The following HACD2 variants were observed in gnomAD, a reference collection of about 807,000 sequenced individuals.
HACD2 encodes the protein 3-hydroxyacyl-CoA dehydratase 2, also known as very-long-chain (3R)-3-hydroxyacyl-CoA dehydratase 2.
HACD2 carries 15 observed loss-of-function variants against 31.0 expected under a neutral mutation model. The ratio of observed to expected loss-of-function variants is 0.48; its 90% CI spans 0.32 to 0.75. The LOEUF is 0.75. Ranked by LOEUF, HACD2 falls within the 30% of genes least tolerant of loss-of-function variation. HACD2 has a pLI of 0.03. For synonymous variants in HACD2, 115 were observed against 122.2 expected, an observed-to-expected ratio of 0.94 and a Z score of 0.39; for missense variants, 283 against 313.0, an observed-to-expected ratio of 0.90 and a Z score of 0.72.
intron 4 of HACD2, among the ~76,000 whole-genome samples, chr3:123,525,499 A>G (rs182089206): frequency 6.6e-6 from 1 of 152,346 alleles, no homozygotes; most frequent in East Asian, 1.9e-4. Context: ...GCAATGATGC[A>G]TGTCCCATAG....
At position 123,501,536 on chromosome 3, in the gene HACD2, G is replaced by A. The variant is rs952863536; in HGVS notation, c.504-843C>T. ...TGTGATGAAAATCTCTGAAGTGGAAGGGAAGACATATTCCCCACTGCCAAT... is the reference window on the plus strand; with the variant it reads ...TGTGATGAAAATCTCTGAAGTGGAAAGGAAGACATATTCCCCACTGCCAAT... On this transcript the variant is annotated intron_variant, in intron 5 of 6. Coordinates refer to ENST00000383657, the MANE Select transcript of HACD2 (RefSeq NM_198402.5). 2.6e-5 allele frequency among the ~76,000 whole-genome samples: 4 copies of A among 152,310 alleles called. No individual in the cohort carries two copies. In the South Asian group the frequency reaches 8.3e-4, roughly 32 times the overall value.
intron 3 of HACD2, among the ~76,000 whole-genome samples, chr3:123,529,449 A>C (rs932693659): frequency 9.9e-5 from 15 of 152,236 alleles, no homozygotes; most frequent in African/African-American, 3.6e-4. Flanking sequence ...AAATGGCCAG[A>C]AACAGTGGCT....
intron 3 of HACD2, chr3:123,543,554 GC>G (rs2107722741): frequency 4.5e-6 from 1 of 221,338 alleles, no homozygotes; most frequent in East Asian, 1.3e-4. Context: ...CCCTTTTATA[GC>G]TTTTGCATTT....
chr3:123,530,771 C>T (rs1050114398), intron 3 of HACD2, among the ~76,000 whole-genome samples: 1 of 151,942 alleles, frequency 6.6e-6, no homozygotes, highest in Non-Finnish European at 1.5e-5. Context: ...AGGCTGGTTT[C>T]GAACTCCTAA....
At chr3:123,528,269 AT>A in intron 4 of HACD2, 116 bp downstream of exon 4, 1 of 691,958 alleles carries the variant, frequency 1.4e-6, no homozygotes, top group Non-Finnish European at 2.6e-6. Flanking sequence ...TCTCAGCTAT[AT>A]TGACATGACC....
In HACD2 at chr3:123,524,535, C is replaced by T. The variant is rs72968514; in HGVS notation, c.381+3851G>A. ...GATGATTTAGCAGGAGAATCATATC[C>T]TAATGTGAATATGGCATGGTGGAAC... On this transcript the variant is annotated intron_variant, in intron 4 of 6. Coordinates refer to ENST00000383657, the MANE Select transcript of HACD2 (RefSeq NM_198402.5). Among the ~76,000 whole-genome samples the T allele has an allele frequency of 1.9e-3, 290 of 152,246 alleles. 5 individuals are homozygous for T. Among genetic ancestry groups the T allele is most frequent in the African/African-American group, 6.5e-3 (272 of 41,544 alleles).
intron 4 of HACD2, among the ~76,000 whole-genome samples, chr3:123,524,688 T>C (rs1189492216): frequency 6.6e-6 from 1 of 152,174 alleles, no homozygotes; most frequent in Non-Finnish European, 1.5e-5. Flanking sequence ...TTTTGTTTTG[T>C]AGAGATGAGG....
chr3:123,545,353 A>G (rs996185329), intron 3 of HACD2, among the ~76,000 whole-genome samples: 1 of 151,466 alleles, frequency 6.6e-6, no homozygotes, highest in African/African-American at 2.4e-5. Context: ...GTGGTGGCAC[A>G]TGCCTGTTAT....
chr3:123,549,408 T>C (rs889253026), intron 3 of HACD2, among the ~76,000 whole-genome samples: 19 of 152,224 alleles, frequency 1.2e-4, no homozygotes, highest in African/African-American at 3.9e-4. Context: ...CTGCTAAAGA[T>C]GAACTGCATC....
chr3:123,527,992 C>T (rs997113029), intron 4 of HACD2, among the ~76,000 whole-genome samples: 1 of 152,130 alleles, frequency 6.6e-6, no homozygotes, highest in Non-Finnish European at 1.5e-5. Context: ...GGTGTGGTGG[C>T]TCATGCCTGA....
chr3:123,535,700 C>T (rs1440481332), intron 3 of HACD2, among the ~76,000 whole-genome samples: 1 of 152,186 alleles, frequency 6.6e-6, no homozygotes, highest in Non-Finnish European at 1.5e-5. Context: ...AACTAGCAGC[C>T]ACCTCATCCA....
chr3:123,546,579 C>T (rs2056562324), intron 3 of HACD2, among the ~76,000 whole-genome samples: 1 of 152,134 alleles, frequency 6.6e-6, no homozygotes, highest in African/African-American at 2.4e-5. Context: ...GTCTTATAAC[C>T]ATAAGACTAC....
intron 1 of HACD2, among the ~76,000 whole-genome samples, chr3:123,583,181 T>C (rs1284309698): frequency 6.6e-6 from 1 of 151,312 alleles, no homozygotes; most frequent in African/African-American, 2.4e-5. Flanking sequence ...ATGGTGTAAC[T>C]GGTACAACCA....
chr3:123,492,689 TAAG>T lies in HACD2; in HGVS notation c.*2196_*2198del, dbSNP rs1354421118. ...TTTTATAAGTAGTGACAAATTATAA[TAAG>T]GAGGCCCAAATAAAACCCCCAGTCC... is the stretch of plus-strand genomic sequence containing the variant. On this transcript the variant is annotated 3_prime_UTR_variant, in exon 7 of 7. Coordinates refer to ENST00000383657, the MANE Select transcript of HACD2 (RefSeq NM_198402.5). The T allele has an allele frequency of 2.0e-5, 3 of 152,126 alleles. No homozygotes were observed. The highest frequency in any genetic ancestry group is 2.9e-5 in the Non-Finnish European group (2 of 67,996). 9.4% of individuals were successfully genotyped at this position (152,126 alleles called of 1,614,324 possible).
At position 123,584,753 on chromosome 3, in the gene HACD2, C is replaced by A. The variant is rs577625795; in HGVS notation, c.155+120G>T. 6.2e-3 allele frequency: 4,802 copies of A among 770,746 alleles called. 23 individuals carry two copies. The highest frequency in any genetic ancestry group is 7.9e-3 in the Non-Finnish European group (4,285 of 540,506). The allele number at this position is 770,746 out of a possible 1,614,324, so 47.7% of individuals were successfully genotyped here. A position where few individuals can be genotyped will look rare whatever the true frequency, so the allele number is the denominator to read the frequency against. On this transcript the variant is annotated intron_variant, in intron 1 of 6. Transcript: ENST00000383657. Reference sequence around the variant, plus strand: ...GCGCCCAGGTACCGGGTCCCGGGCACCCCCCGCCGGGAATGCACTGCCTGC... The same window carrying A: ...GCGCCCAGGTACCGGGTCCCGGGCAACCCCCGCCGGGAATGCACTGCCTGC...
rs1321120327 is a variant in HACD2, at chr3:123,494,590, T to C, written c.*298A>G. The stretch of plus-strand genomic sequence containing the variant: ...TACAGGTCTTCATTGATCAGATACA[T>C]GAAGGACACAGAAGGACATAAAATG... On this transcript the variant is annotated 3_prime_UTR_variant, in exon 7 of 7. Transcript: ENST00000383657. 2.5e-5 allele frequency: 10 copies of C among 407,930 alleles called. No individual in the cohort carries two copies. Among genetic ancestry groups the C allele is most frequent in the Non-Finnish European group, 4.4e-5 (10 of 225,844 alleles). 25.3% of individuals were successfully genotyped at this position (407,930 alleles called of 1,614,324 possible). A position where few individuals can be genotyped will look rare whatever the true frequency, so the allele number is the denominator to read the frequency against.
chr3:123,580,457 C>A (rs1465894046), intron 2 of HACD2, among the ~76,000 whole-genome samples: 2 of 151,900 alleles, frequency 1.3e-5, no homozygotes, highest in African/African-American at 2.4e-5. Context: ...GCCTGGGTGA[C>A]AGAGTGACCC....
intron 3 of HACD2, among the ~76,000 whole-genome samples, chr3:123,540,365 G>A (rs905174805): frequency 2.6e-5 from 4 of 152,146 alleles, no homozygotes; most frequent in African/African-American, 7.2e-5. Context: ...TTTTTTGAAA[G>A]CTTTCTCGAA....
chr3:123,554,999 T>C (rs927023984), intron 3 of HACD2, among the ~76,000 whole-genome samples: 1 of 152,196 alleles, frequency 6.6e-6, no homozygotes, highest in Admixed American at 6.5e-5. Context: ...CATTAATACT[T>C]AGAGATGTTA....
Sources: gnomAD v4.1 joint callset for allele counts (sites outside exome capture counted in the v4.1 genomes callset) on GRCh38, gnomAD v4.1.1 for gene constraint, MANE v1.5 for transcripts, NCBI Gene and HGNC (gene_info 2026-07-23, HGNC 2026-07-21) for gene names.